PARD3: variants seen among roughly 807,000 people sequenced by gnomAD.
PARD3 encodes the protein partitioning defective 3 homolog.
Under a neutral mutation model 155.4 loss-of-function variants are expected in PARD3, and 75 were observed. The observed-to-expected ratio is 0.48, with a 90% CI of 0.40 to 0.58. The LOEUF (loss-of-function observed/expected upper bound fraction) is 0.58, where lower values mean the gene tolerates loss of function less well. Among genes scored for constraint, PARD3 ranks in the 20% least tolerant of loss-of-function variants. The pLI is 0.00. For missense variants in PARD3, 1,642 were observed against 1,721.7 expected (o/e 0.95, Z 0.82); for synonymous variants, 576 against 610.5 (o/e 0.94, Z 0.83).
In PARD3 at chr10:34,780,097, T is replaced by C. The variant is rs138140440; in HGVS notation, c.120+34779A>G. ...ACCTTCTGGTAATCCCCATGGAAAC[T>C]ACTGTGAAGTCCATTTTAACTCTGC... On this transcript the variant is annotated intron_variant, in intron 1 of 24. Transcript: ENST00000374788. Among the ~76,000 whole-genome samples the C allele has an allele frequency of 3.9e-3, 594 of 152,346 alleles. 12 individuals are homozygous for C. The highest frequency in any genetic ancestry group is 0.037 in the Admixed American group (573 of 15,306).
intron 2 of PARD3, among the ~76,000 whole-genome samples, chr10:34,647,933 T>C (rs2092894496): frequency 6.6e-6 from 1 of 152,224 alleles, no homozygotes; most frequent in Non-Finnish European, 1.5e-5. Flanking sequence ...GAGAATGGGA[T>C]CAAAGAGGAG....
rs182454782 is a variant in PARD3 at position 34,322,379 on chromosome 10, C to T, written c.2834-5041G>A. On this transcript the variant is annotated intron_variant, in intron 19 of 24. Transcript: ENST00000374788. Reference sequence around the variant, plus strand: ...TTTGGAGAAATCTCTCTGAAGAACTCTAGAACTCAAGTTATGTAGGAAAAT... The same window carrying T: ...TTTGGAGAAATCTCTCTGAAGAACTTTAGAACTCAAGTTATGTAGGAAAAT... Among the ~76,000 whole-genome samples the T allele has an allele frequency of 4.7e-3, 708 of 152,230 alleles. 5 individuals are homozygous for T. The highest frequency in any genetic ancestry group is 5.9e-3 in the Non-Finnish European group (402 of 68,018).
intron 1 of PARD3, among the ~76,000 whole-genome samples, chr10:34,770,290 T>C (rs1221693249): frequency 6.6e-6 from 1 of 152,232 alleles, no homozygotes; most frequent in Admixed American, 6.5e-5. Context: ...CTCACACCTT[T>C]GAACTGCAAA....
At chr10:34,279,960 C>T (rs11009711) in intron 21 of PARD3, among the ~76,000 whole-genome samples, 5,793 of 152,108 alleles carry the variant, frequency 0.038, 303 homozygotes, top group African/African-American at 0.12. Context: ...ATTCAGTATC[C>T]CTGGAAATGT....
chr10:34,200,793 T>C (rs559742995), intron 22 of PARD3, among the ~76,000 whole-genome samples: 1 of 152,342 alleles, frequency 6.6e-6, no homozygotes, highest in Non-Finnish European at 1.5e-5. Flanking sequence ...AAAGCTCACA[T>C]GCAGACGCCA....
chr10:34,682,688 C>A (rs1218481967), intron 2 of PARD3, among the ~76,000 whole-genome samples: 2 of 152,116 alleles, frequency 1.3e-5, no homozygotes, highest in African/African-American at 4.8e-5. Flanking sequence ...CGTCACTGCA[C>A]TCCAGCCTGG....
chr10:34,119,776 A>C, intron 23 of PARD3, 36 bp from the exon 24 acceptor site: 1 of 1,599,922 alleles, frequency 6.3e-7, no homozygotes, highest in Non-Finnish European at 8.5e-7. Flanking sequence ...CGTTAACCAG[A>C]AAGTTCTGTA....
At chr10:34,159,769 C>T (rs1041455341) in intron 22 of PARD3, among the ~76,000 whole-genome samples, 1 of 152,176 alleles carries the variant, frequency 6.6e-6, no homozygotes, top group Non-Finnish European at 1.5e-5. Context: ...TAGGTGAGTT[C>T]TATTATGCCC....
At chr10:34,393,167 T>C (rs1455343936) in intron 7 of PARD3, among the ~76,000 whole-genome samples, 2 of 125,272 alleles carry the variant, frequency 1.6e-5, no homozygotes, top group East Asian at 4.6e-4. Context: ...AAAAAAAAAG[T>C]GTATATAAAC....
intron 22 of PARD3, among the ~76,000 whole-genome samples, chr10:34,203,237 A>G (rs1951304907): frequency 6.6e-6 from 1 of 152,180 alleles, no homozygotes; most frequent in South Asian, 2.1e-4. Flanking sequence ...AAAACACTTC[A>G]ATCTATATGC....
intron 2 of PARD3, among the ~76,000 whole-genome samples, chr10:34,674,937 C>T (rs2093677072): frequency 1.3e-5 from 2 of 152,206 alleles, no homozygotes; most frequent in African/African-American, 4.8e-5. Flanking sequence ...ACACACCTTA[C>T]TATGTTGTCT....
At chr10:34,773,029 C>T (rs1839092124) in intron 1 of PARD3, among the ~76,000 whole-genome samples, 1 of 152,118 alleles carries the variant, frequency 6.6e-6, no homozygotes, top group South Asian at 2.1e-4. Flanking sequence ...TGTAGAACCA[C>T]ACGGCACACC....
chr10:34,613,823 C>T (rs997344711), intron 2 of PARD3, among the ~76,000 whole-genome samples: 2 of 152,118 alleles, frequency 1.3e-5, no homozygotes, highest in Non-Finnish European at 2.9e-5. Context: ...GTGGAGAAAC[C>T]ATTTTGCATC....
chr10:34,590,985 AAT>A (rs2088625432), intron 2 of PARD3, among the ~76,000 whole-genome samples: 1 of 152,150 alleles, frequency 6.6e-6, no homozygotes, highest in African/African-American at 2.4e-5. Context: ...GACACCTTGA[AAT>A]GCCTCCTTCT....
At chr10:34,349,580 T>TAAAAAAAAAAA in intron 14 of PARD3, among the ~76,000 whole-genome samples, 76 of 44,690 alleles carry the variant, frequency 1.7e-3, no homozygotes, top group East Asian at 2.9e-3. Flanking sequence ...TCTGGGAAAG[T>TAAAAAAAAAAA]AAAAAAAAAA....
Position 34,341,601 on chromosome 10 carries a change from T to G in PARD3, c.2408+26A>C, listed in dbSNP as rs764815929. On this transcript the variant is annotated intron_variant, in intron 16 of 24. Transcript: ENST00000374788. ...AAATGGGACTGTAATTAATTCATGT[T>G]TTCCAACCCTGGACGATGAGCTTAC... 4.4e-6 allele frequency: 7 copies of G among 1,579,790 alleles called. No homozygotes were observed. In the East Asian group the frequency reaches 1.6e-4, roughly 36 times the overall value.
At chr10:34,155,932 C>G (rs1330200992) in intron 22 of PARD3, among the ~76,000 whole-genome samples, 2 of 152,132 alleles carry the variant, frequency 1.3e-5, no homozygotes, top group Non-Finnish European at 1.5e-5. Flanking sequence ...AGCAGTACAA[C>G]AAACACAGCT....
At chr10:34,440,425 G>A (rs1226884352) in intron 5 of PARD3, among the ~76,000 whole-genome samples, 1 of 152,172 alleles carries the variant, frequency 6.6e-6, no homozygotes, top group African/African-American at 2.4e-5. Context: ...TAATCACACA[G>A]CTCACAACAA....
chr10:34,769,728 G>A (rs1181349170), intron 1 of PARD3, among the ~76,000 whole-genome samples: 1 of 149,504 alleles, frequency 6.7e-6, no homozygotes, highest in Non-Finnish European at 1.5e-5. Context: ...CTGCACACCA[G>A]CCTGGGCAAC....
Sources: gnomAD v4.1 joint callset for allele counts (sites outside exome capture counted in the v4.1 genomes callset) on GRCh38, gnomAD v4.1.1 for gene constraint, MANE v1.5 for transcripts, NCBI Gene and HGNC (gene_info 2026-07-23, HGNC 2026-07-21) for gene names.